Variants in OR11G2 observed in about 807,000 individuals in gnomAD.
The protein encoded by OR11G2 is olfactory receptor 11G2.
OR11G2 carries 2 observed loss-of-function variants against 0.9 expected under a neutral mutation model. The ratio of observed to expected loss-of-function variants is 2.35; its 90% CI spans 0.96 to 7.38. OR11G2 has a LOEUF of 7.38. Ranked by LOEUF, OR11G2 falls within the 30% of genes most tolerant of loss-of-function variation. The probability of loss-of-function intolerance (pLI) is 0.05; values close to 1 mark genes in which losing one functional copy is unlikely to be tolerated. For missense variants in OR11G2, 395 were observed against 371.3 expected, an observed-to-expected ratio of 1.06 and a Z score of -0.52; for synonymous variants, 153 against 142.0, an observed-to-expected ratio of 1.08 and a Z score of -0.55.
At chr14:20,193,327 G>A (rs1050244904) in intron 1 of OR11G2, among the ~76,000 whole-genome samples, 14 of 152,124 alleles carry the variant, frequency 9.2e-5, no homozygotes, top group Non-Finnish European at 1.8e-4. Context: ...TTGCCATGTT[G>A]GCCAGGCTGG....
In OR11G2 at chr14:20,194,034, AGAGT is replaced by A. The variant is rs1879705096; in HGVS notation, c.-5+2370_-5+2373del. Among the ~76,000 whole-genome samples, 6 of 152,290 alleles carry A rather than the reference AGAGT, an allele frequency of 3.9e-5. No homozygotes were observed. The South Asian group carries it at 1.0e-3, about 26-fold the overall frequency. ...CATCTTTGTGCCTACTTTGTACAAC[AGAGT>A]GTGTGTTTGTGTGTATGTGTGTGAG... is the stretch of plus-strand genomic sequence containing the variant. On this transcript the variant is annotated intron_variant, in intron 1 of 1. Coordinates refer to ENST00000641879, the MANE Select transcript of OR11G2 (RefSeq NM_001386033.1).
chr14:20,196,528 C>G (rs1417292372), intron 1 of OR11G2, among the ~76,000 whole-genome samples: 2 of 152,210 alleles, frequency 1.3e-5, no homozygotes, highest in Non-Finnish European at 2.9e-5. Flanking sequence ...TGCAGATATT[C>G]AGCCTTCAAA....
rs1300136507 is a variant in OR11G2 at position 20,198,044 on chromosome 14, T to G, written c.607T>G (p.Phe203Val). ...CKKGPVIELVFSVLSPLPVFM... is the reference protein window; with the variant it reads ...CKKGPVIELVVSVLSPLPVFM... ...AAAAGGCCCTGTGATAGAGCTTGTC[T>G]TTTCTGTCTTAAGTCCTCTGCCTGT... The change falls in exon 2 of 2, where the codon TTT becomes GTT. Residue 203 changes from phenylalanine (F) to valine (V), a missense_variant. Phe to Val is a conservative substitution (Grantham distance 50). Transcript: ENST00000641879. 2 of 1,613,988 alleles carry G rather than the reference T, an allele frequency of 1.2e-6. No homozygotes were observed. Among genetic ancestry groups the G allele is most frequent in the African/African-American group, 1.3e-5 (1 of 74,902 alleles).
chr14:20,192,854 G>A (rs190876267), intron 1 of OR11G2, among the ~76,000 whole-genome samples: 32 of 152,240 alleles, frequency 2.1e-4, no homozygotes, highest in Admixed American at 1.2e-3. Flanking sequence ...GAAAGTACCC[G>A]GCTGTTTGTA....
At chr14:20,193,899 A>T (rs1356739005) in intron 1 of OR11G2, among the ~76,000 whole-genome samples, 1 of 152,186 alleles carries the variant, frequency 6.6e-6, no homozygotes, top group Non-Finnish European at 1.5e-5. Flanking sequence ...CACACCCCTC[A>T]GTGGGAGCAG....
Position 20,197,984 on chromosome 14 carries a change from T to G in OR11G2, c.547T>G (p.Cys183Gly), listed in dbSNP as rs553776145. 39 of 1,611,206 alleles carry G rather than the reference T, an allele frequency of 2.4e-5. No individual in the cohort carries two copies. The South Asian group carries it at 4.3e-4, about 18-fold the overall frequency. The change falls in exon 2 of 2, where the codon TGT becomes GGT. Residue 183 changes from cysteine (C) to glycine (G), a missense_variant. Physicochemically the swap from Cys to Gly is radical, Grantham distance 159 (BLOSUM62 -3). Transcript: ENST00000641879. ...CGSRIIDHFL[C>G]DPAPLLTLTC... The stretch of plus-strand genomic sequence containing the variant: ...ATCTAGGATTATTGACCACTTCCTA[T>G]GTGACCCAGCTCCTCTTCTAACTCT...
chr14:20,198,507 T>C lies in OR11G2; in HGVS notation c.*134T>C, dbSNP rs896930746. ...ACTTTGGGAGCCCGAGGCGGGTGGA[T>C]CACGAGGTCAGGAGATCAAGACCAC... On this transcript the variant is annotated 3_prime_UTR_variant, in exon 2 of 2. Transcript: ENST00000641879. The C allele has an allele frequency of 8.0e-6, 5 of 626,356 alleles. No homozygotes were observed. Among genetic ancestry groups the C allele is most frequent in the Middle Eastern group, 9.1e-4 (2 of 2,202 alleles). 38.8% of individuals were successfully genotyped at this position (626,356 alleles called of 1,614,324 possible). A position where few individuals can be genotyped will look rare whatever the true frequency, so the allele number is the denominator to read the frequency against.
chr14:20,191,887 T>G, intron 1 of OR11G2, among the ~76,000 whole-genome samples: 1 of 110,036 alleles, frequency 9.1e-6, no homozygotes. Flanking sequence ...ACTACCCAAC[T>G]GGCATTTTTT....
chr14:20,196,514 A>G lies in OR11G2; in HGVS notation c.-4-920A>G, dbSNP rs113533026. 8.2e-3 allele frequency among the ~76,000 whole-genome samples: 1,243 copies of G among 152,372 alleles called. 21 individuals are homozygous for G. Among genetic ancestry groups the G allele is most frequent in the African/African-American group, 0.028 (1,183 of 41,580 alleles). On this transcript the variant is annotated intron_variant, in intron 1 of 1. Coordinates refer to ENST00000641879, the MANE Select transcript of OR11G2 (RefSeq NM_001386033.1). ...AATTCATTTAAAACAAATGAAAGGC[A>G]TCATGCAGATATTCAGCCTTCAAAA...
At position 20,198,361 on chromosome 14, in the gene OR11G2, T is replaced by C. The variant is rs746107607; in HGVS notation, c.924T>C (p.Phe308=). The C allele has an allele frequency of 1.3e-6, 2 of 1,554,248 alleles. No homozygotes were observed. The highest frequency in any genetic ancestry group is 2.5e-5 in the South Asian group (2 of 81,256). The change falls in exon 2 of 2, where the codon TTT becomes TTC. Residue 308 remains phenylalanine, a synonymous_variant. Transcript: ENST00000641879. ...ATATGAGAAAAGCTCTGAAGAAATT[T>C]TGGGGAACATAAAATGTTAATCAAA... ...NKDMRKALKK[F]WGT
chr14:20,198,355 G>A lies in OR11G2; in HGVS notation c.918G>A (p.Lys306=), dbSNP rs2139116211. 6.4e-7 allele frequency: 1 copy of A among 1,559,706 alleles called. No individual in the cohort carries two copies. The highest frequency in any genetic ancestry group is 1.4e-5 in the African/African-American group (1 of 72,436). ...LRNKDMRKAL[K]KFWGT Reference sequence around the variant, plus strand: ...ACAAAGATATGAGAAAAGCTCTGAAGAAATTTTGGGGAACATAAAATGTTA... The same window carrying A: ...ACAAAGATATGAGAAAAGCTCTGAAAAAATTTTGGGGAACATAAAATGTTA... Residue 306 remains lysine (K), a synonymous_variant, in exon 2 of 2, where the codon AAG becomes AAA. Transcript: ENST00000641879.
In OR11G2 at chr14:20,197,566, C is replaced by T. The variant is rs758385135; in HGVS notation, c.129C>T (p.Leu43=). 1 of 1,614,140 alleles carries T rather than the reference C, an allele frequency of 6.2e-7. No homozygotes were observed. The highest frequency in any genetic ancestry group is 8.5e-7 in the Non-Finnish European group (1 of 1,180,010). Reference sequence around the variant, plus strand: ...TCACTGTTGTTTACCTCCTGACCCTCATGGGCAATGGTTCCATCATCTGTG... The same window carrying T: ...TCACTGTTGTTTACCTCCTGACCCTTATGGGCAATGGTTCCATCATCTGTG... ...VLFTVVYLLT[L]MGNGSIICAV... is the part of the protein sequence containing the mutation. The change falls in exon 2 of 2, where the codon CTC becomes CTT. Residue 43 remains leucine (L), a synonymous_variant. Coordinates refer to ENST00000641879, the MANE Select transcript of OR11G2 (RefSeq NM_001386033.1).
chr14:20,194,631 A>T (rs1879716606), intron 1 of OR11G2, among the ~76,000 whole-genome samples: 1 of 152,226 alleles, frequency 6.6e-6, no homozygotes, highest in Non-Finnish European at 1.5e-5. Context: ...GTTGTTCTTA[A>T]TTGATCATAA....
chr14:20,195,860 T>C (rs1412125916), intron 1 of OR11G2, among the ~76,000 whole-genome samples: 1 of 152,120 alleles, frequency 6.6e-6, no homozygotes, highest in Non-Finnish European at 1.5e-5. Flanking sequence ...TTTATGAGCA[T>C]ACGCATCATA....
chr14:20,196,217 G>C (rs750890398), intron 1 of OR11G2, among the ~76,000 whole-genome samples: 1 of 152,160 alleles, frequency 6.6e-6, no homozygotes. Flanking sequence ...CAAATAATAG[G>C]GGGAAGACAG....
chr14:20,198,403 T>A lies in OR11G2; in HGVS notation c.*30T>A. ...TTAATCAAAAAGGTCCTTGCGTAAT[T>A]AATCTTGTCTTTAATTTTGGGGTTT... On this transcript the variant is annotated 3_prime_UTR_variant, in exon 2 of 2. Coordinates refer to ENST00000641879, the MANE Select transcript of OR11G2 (RefSeq NM_001386033.1). 1.4e-6 allele frequency: 2 copies of A among 1,431,606 alleles called. No homozygotes were observed. Among genetic ancestry groups the A allele is most frequent in the Non-Finnish European group, 1.9e-6 (2 of 1,057,998 alleles). The allele number at this position is 1,431,606 out of a possible 1,614,324, so 88.7% of individuals were successfully genotyped here. A position where few individuals can be genotyped will look rare whatever the true frequency, so the allele number is the denominator to read the frequency against.
intron 1 of OR11G2, among the ~76,000 whole-genome samples, chr14:20,192,406 G>A (rs1489093829): frequency 6.6e-6 from 1 of 152,212 alleles, no homozygotes; most frequent in Non-Finnish European, 1.5e-5. Flanking sequence ...CAACTTTGTT[G>A]CAATACTGAA....
At position 20,197,845 on chromosome 14, in the gene OR11G2, T is replaced by C. The variant is rs1235802849; in HGVS notation, c.408T>C (p.Tyr136=). ...RYLAICRPLR[Y]PTIMTRRLCT... ...TTGCCATCTGTCGGCCTCTACGCTA[T>C]CCAACCATTATGACCAGACGTCTCT... The change falls in exon 2 of 2, where the codon TAT becomes TAC. Residue 136 remains tyrosine (Y), a synonymous_variant. Transcript: ENST00000641879. The C allele has an allele frequency of 1.2e-6, 2 of 1,614,150 alleles. No individual in the cohort carries two copies. The highest frequency in any genetic ancestry group is 1.7e-6 in the Non-Finnish European group (2 of 1,180,020).
At chr14:20,192,947 T>C (rs562727570) in intron 1 of OR11G2, among the ~76,000 whole-genome samples, 34 of 152,258 alleles carry the variant, frequency 2.2e-4, no homozygotes, top group Admixed American at 5.9e-4. Flanking sequence ...TGCATGTGTA[T>C]AGAGAGGAGA....
Sources: allele counts gnomAD v4.1 joint callset (sites outside exome capture counted in the v4.1 genomes callset), GRCh38; gene constraint gnomAD v4.1.1; transcripts MANE v1.5; gene names NCBI Gene and HGNC (gene_info 2026-07-23, HGNC 2026-07-21).